FANCA: variants seen among roughly 807,000 people sequenced by gnomAD.
FANCA encodes the protein Fanconi anemia group A protein.
FANCA carries 236 observed loss-of-function variants against 194.3 expected under a neutral mutation model. That is an observed-to-expected ratio of 1.21 (90% CI 1.09 to 1.35). The LOEUF is 1.35. Among genes scored for constraint, FANCA ranks in the 40% most tolerant of loss-of-function variants. FANCA has a pLI of 0.00. For missense variants in FANCA, 2,628 were observed against 1,813.9 expected (o/e 1.45, Z -8.15); for synonymous variants, 1,014 against 715.8 (o/e 1.42, Z -6.65).
Position 89,812,450 on chromosome 16 carries a change from C to T in FANCA, c.284-1379G>A, listed in dbSNP as rs533945457. Among the ~76,000 whole-genome samples the T allele has an allele frequency of 2.6e-5, 4 of 151,076 alleles. No individual in the cohort carries two copies. The South Asian group carries it at 8.4e-4, about 32-fold the overall frequency. On this transcript the variant is annotated intron_variant, in intron 3 of 42. Transcript: ENST00000389301. Reference sequence around the variant, plus strand: ...TCACCTGAGGTCGGGAGTTTGAGACCAGCCTGACCAACATGGTGAAACCCT... The same window carrying T: ...TCACCTGAGGTCGGGAGTTTGAGACTAGCCTGACCAACATGGTGAAACCCT...
intron 20 of FANCA, among the ~76,000 whole-genome samples, chr16:89,777,930 G>C (rs754774024): frequency 7.9e-5 from 12 of 152,134 alleles, no homozygotes; most frequent in Non-Finnish European, 1.2e-4. Flanking sequence ...GGGAGGCCGA[G>C]GTGGGCAGAT....
chr16:89,813,278 C>T (rs1300272406), intron 3 of FANCA, among the ~76,000 whole-genome samples: 1 of 151,822 alleles, frequency 6.6e-6, no homozygotes, highest in East Asian at 1.9e-4. Flanking sequence ...CATGGTGGCG[C>T]ACACCTGTAG....
chr16:89,746,555 C>A (rs1249915681), intron 35 of FANCA, 29 bp downstream of exon 35: 16 of 1,598,174 alleles, frequency 1.0e-5, no homozygotes, highest in Non-Finnish European at 1.3e-5. Flanking sequence ...ATCCCCAAAA[C>A]AAAACACCAA....
At chr16:89,781,116 G>C (rs2039684558) in intron 17 of FANCA, among the ~76,000 whole-genome samples, 1 of 152,108 alleles carries the variant, frequency 6.6e-6, no homozygotes, top group Non-Finnish European at 1.5e-5. Flanking sequence ...TGTAATCCCA[G>C]CACTTTGAGA....
At chr16:89,752,828 C>A (rs2038642728) in intron 30 of FANCA, among the ~76,000 whole-genome samples, 1 of 152,132 alleles carries the variant, frequency 6.6e-6, no homozygotes, top group African/African-American at 2.4e-5. Context: ...CGTGGTCCAG[C>A]GGTAGCAAAA....
intron 28 of FANCA, among the ~76,000 whole-genome samples, chr16:89,764,327 C>T (rs2039052575): frequency 6.6e-6 from 1 of 152,096 alleles, no homozygotes; most frequent in South Asian, 2.1e-4. Context: ...TTTTTTGAGA[C>T]AGGGTCTTGC....
chr16:89,781,478 C>G (rs181558146), intron 17 of FANCA, among the ~76,000 whole-genome samples: 1 of 144,148 alleles, frequency 6.9e-6, no homozygotes, highest in Admixed American at 6.9e-5. Context: ...TTGAGACCAT[C>G]CTGGATAACA....
At chr16:89,803,231 A>G (rs774050439) in intron 8 of FANCA, 28 bp downstream of exon 8, 5 of 1,605,200 alleles carry the variant, frequency 3.1e-6, no homozygotes, top group African/African-American at 1.3e-5. Context: ...TCCTTCCGCT[A>G]AACTCTTCAC....
Position 89,816,644 on chromosome 16 carries a change from G to T in FANCA, c.-29C>A, listed in dbSNP as rs1387930646. 2 of 1,513,674 alleles carry T rather than the reference G, an allele frequency of 1.3e-6. No individual in the cohort carries two copies. The highest frequency in any genetic ancestry group is 2.6e-5 in the East Asian group (1 of 38,552). 93.8% of individuals were successfully genotyped at this position (1,513,674 alleles called of 1,614,324 possible). On this transcript the variant is annotated 5_prime_UTR_variant, in exon 1 of 43. Transcript: ENST00000389301. Reference sequence around the variant, plus strand: ...CTTGGCGCCTACAGCCCCGGCGGCGGCTCCCTGCGCCCGAGCCCGCGCTGC... The same window carrying T: ...CTTGGCGCCTACAGCCCCGGCGGCGTCTCCCTGCGCCCGAGCCCGCGCTGC...
At chr16:89,779,594 A>G (rs1210057383) in intron 18 of FANCA, among the ~76,000 whole-genome samples, 1 of 152,194 alleles carries the variant, frequency 6.6e-6, no homozygotes, top group Non-Finnish European at 1.5e-5. Flanking sequence ...CAGCAAATGC[A>G]CAGCTCTTGA....
chr16:89,808,486 G>T, intron 5 of FANCA, 119 bp from the exon 6 acceptor site: 2 of 1,041,724 alleles, frequency 1.9e-6, no homozygotes, highest in Non-Finnish European at 1.4e-6. Flanking sequence ...ATGCCGTATT[G>T]AAAATTAACC....
chr16:89,813,908 G>A (rs1468367534), intron 3 of FANCA, among the ~76,000 whole-genome samples: 3 of 151,934 alleles, frequency 2.0e-5, no homozygotes, highest in Admixed American at 6.6e-5. Flanking sequence ...ATGAATTAAA[G>A]GTTTATCTGT....
chr16:89,788,569 C>T (rs1476761), intron 14 of FANCA, among the ~76,000 whole-genome samples: 2 of 152,024 alleles, frequency 1.3e-5, no homozygotes, highest in Admixed American at 1.3e-4. Flanking sequence ...GGTTAAGGTG[C>T]GGGGATCGCA....
intron 7 of FANCA, among the ~76,000 whole-genome samples, chr16:89,804,602 T>G (rs2040569197): frequency 6.6e-6 from 1 of 152,102 alleles, no homozygotes; most frequent in African/African-American, 2.4e-5. Context: ...CAAGCTGGAC[T>G]CTGGTCCAAG....
chr16:89,801,383 G>A (rs963022478), intron 8 of FANCA, among the ~76,000 whole-genome samples: 13 of 150,810 alleles, frequency 8.6e-5, no homozygotes, highest in Non-Finnish European at 1.3e-4. Flanking sequence ...TAATCATCAG[G>A]GAAATACAAG....
chr16:89,797,725 G>T (rs942075292), intron 10 of FANCA, among the ~76,000 whole-genome samples: 4 of 151,962 alleles, frequency 2.6e-5, no homozygotes, highest in Non-Finnish European at 5.9e-5. Flanking sequence ...CTTAAAAATA[G>T]AAAATACAAA....
chr16:89,753,576 T>G (rs956277679), intron 30 of FANCA, among the ~76,000 whole-genome samples: 1 of 152,260 alleles, frequency 6.6e-6, no homozygotes, highest in African/African-American at 2.4e-5. Context: ...TGTGACATCC[T>G]TTTGTGATAA....
At chr16:89,754,159 T>G (rs1417789431) in intron 30 of FANCA, among the ~76,000 whole-genome samples, 1 of 151,574 alleles carries the variant, frequency 6.6e-6, no homozygotes, top group Non-Finnish European at 1.5e-5. Context: ...GAGGCGAAGG[T>G]TTCGGTAAGC....
At chr16:89,770,713 A>G (rs559294577) in intron 23 of FANCA, 79 bp from the exon 24 acceptor site, 26 of 1,250,636 alleles carry the variant, frequency 2.1e-5, no homozygotes, top group South Asian at 1.5e-4. Flanking sequence ...CGCTCCCGCC[A>G]CAGACATCGC....
Sources: gnomAD v4.1 joint callset for allele counts (sites outside exome capture counted in the v4.1 genomes callset) on GRCh38, gnomAD v4.1.1 for gene constraint, MANE v1.5 for transcripts, NCBI Gene and HGNC (gene_info 2026-07-23, HGNC 2026-07-21) for gene names.